LTF: variants seen among roughly 807,000 people sequenced by gnomAD.
The protein encoded by LTF is lactotransferrin.
Under a neutral mutation model 87.2 loss-of-function variants are expected in LTF, and 91 were observed. The observed-to-expected ratio is 1.04, with a 90% CI of 0.88 to 1.24. The LOEUF (loss-of-function observed/expected upper bound fraction) is 1.24. Among genes scored for constraint, LTF ranks in the 50% most tolerant of loss-of-function variants. The pLI, the probability that LTF is intolerant of heterozygous loss-of-function variation, is 0.00. For missense variants in LTF, 901 were observed against 904.3 expected (o/e 1.00, Z 0.05); for synonymous variants, 378 against 356.1 (o/e 1.06, Z -0.69).
In LTF at chr3:46,459,775, C is replaced by G. The variant is rs563355635; in HGVS notation, c.88G>C (p.Val30Leu). 11 of 1,487,820 alleles carry G rather than the reference C, an allele frequency of 7.4e-6. No homozygotes were observed. The East Asian group carries it at 2.7e-4, about 36-fold the overall frequency. 92.2% of individuals were successfully genotyped at this position (1,487,820 alleles called of 1,614,324 possible). A position where few individuals can be genotyped will look rare whatever the true frequency, so the allele number is the denominator to read the frequency against. ...CATTTTGTGGCCTCGGGTTGGGATA[C>G]GGCGCACCACTGAACACTCCTCCTA... ...GRRRSVQWCA[V>L]SQPEATKCFQ... Residue 30 changes from valine to leucine, a missense_variant, in exon 2 of 17, where the codon GTA becomes CTA. Coordinates refer to ENST00000231751, the MANE Select transcript of LTF (RefSeq NM_002343.6).
At chr3:46,451,739 C>A (rs577621316) in intron 6 of LTF, among the ~76,000 whole-genome samples, 1 of 152,050 alleles carries the variant, frequency 6.6e-6, no homozygotes, top group Non-Finnish European at 1.5e-5. Flanking sequence ...GGACCACAAG[C>A]GCACGCCACC....
chr3:46,455,233 G>C, intron 5 of LTF, 62 bp downstream of exon 5: 2 of 1,605,728 alleles, frequency 1.2e-6, no homozygotes, highest in South Asian at 1.1e-5. Context: ...CAGAGAAAAG[G>C]CCTCCCGGCC....
In LTF at chr3:46,450,423, T is replaced by C. The variant is rs1702774072; in HGVS notation, c.882+72A>G. 3.3e-6 allele frequency: 5 copies of C among 1,497,588 alleles called. No homozygotes were observed. The South Asian group carries it at 6.0e-5, about 18-fold the overall frequency. The allele number at this position is 1,497,588 out of a possible 1,614,324, so 92.8% of individuals were successfully genotyped here. ...TACAGGACTTCTGGAGTGGCAGAAG[T>C]CAGGGAAGTAAGAAACCTTGCTCCC... On this transcript the variant is annotated intron_variant, in intron 7 of 16. Coordinates refer to ENST00000231751, the MANE Select transcript of LTF (RefSeq NM_002343.6).
intron 5 of LTF, 52 bp from the exon 6 acceptor site, chr3:46,454,412 C>G: frequency 6.9e-7 from 1 of 1,456,568 alleles, no homozygotes; most frequent in Non-Finnish European, 9.7e-7. Context: ...TCCCCAGCCC[C>G]TCCCTGTGGA....
chr3:46,457,493 C>G (rs1025782681), intron 2 of LTF, among the ~76,000 whole-genome samples: 3 of 152,206 alleles, frequency 2.0e-5, no homozygotes, highest in Admixed American at 6.5e-5. Context: ...CACGTTTCCC[C>G]CTGTGACCCG....
chr3:46,447,466 T>G, intron 9 of LTF, 68 bp from the exon 10 acceptor site: 1 of 1,079,148 alleles, frequency 9.3e-7, no homozygotes, highest in South Asian at 1.3e-5. Flanking sequence ...TCTATATAGC[T>G]CTCTGAGAGA....
At chr3:46,474,407 T>A (rs1367628173) in intron 1 of LTF, among the ~76,000 whole-genome samples, 1 of 152,070 alleles carries the variant, frequency 6.6e-6, no homozygotes, top group Non-Finnish European at 1.5e-5. Flanking sequence ...CACCTAGAAG[T>A]CATAACAATC....
Position 46,446,326 on chromosome 3 carries a change from G to A in LTF, c.1357+114C>T, listed in dbSNP as rs535289982. On this transcript the variant is annotated intron_variant, in intron 11 of 16. Coordinates refer to ENST00000231751, the MANE Select transcript of LTF (RefSeq NM_002343.6). ...ACCCTTAAAATTATTGCTCCTAGAA[G>A]CCCTATAGCTTCTAGGGCTGCAATT... The A allele has an allele frequency of 5.5e-4, 403 of 726,476 alleles. 1 individual carries two copies. The highest frequency in any genetic ancestry group is 8.3e-4 in the Non-Finnish European group (352 of 423,612). 45.0% of individuals were successfully genotyped at this position (726,476 alleles called of 1,614,324 possible).
chr3:46,442,862 A>G (rs1215259211), intron 13 of LTF, among the ~76,000 whole-genome samples: 1 of 152,230 alleles, frequency 6.6e-6, no homozygotes, highest in Non-Finnish European at 1.5e-5. Flanking sequence ...CTGAGAAGCA[A>G]CACCCGGATG....
chr3:46,455,894 C>A lies in LTF; in HGVS notation c.401G>T (p.Cys134Phe), dbSNP rs918973567. 12 of 1,613,654 alleles carry A rather than the reference C, an allele frequency of 7.4e-6. No individual in the cohort carries two copies. The highest frequency in any genetic ancestry group is 8.5e-6 in the Non-Finnish European group (10 of 1,179,888). The change falls in exon 4 of 17, where the codon TGC becomes TTC. Residue 134 changes from cysteine (C) to phenylalanine (F), a missense_variant. By Grantham distance (205) the Cys-to-Phe change is radical. Coordinates refer to ENST00000231751, the MANE Select transcript of LTF (RefSeq NM_002343.6). ...QLNELQGLKSCHTGLRRTAGW... is the reference protein window; with the variant it reads ...QLNELQGLKSFHTGLRRTAGW... ...AGCGGTCCTGCGAAGGCCTGTGTGG[C>A]AGGACTTCAGACCTTGCAGTTCGTT...
chr3:46,452,268 C>A (rs1162687406), intron 6 of LTF, among the ~76,000 whole-genome samples: 1 of 152,096 alleles, frequency 6.6e-6, no homozygotes, highest in Admixed American at 6.5e-5. Flanking sequence ...ACAATAGCAA[C>A]TAAAACCATT....
Position 46,447,317 on chromosome 3 carries a change from C to G in LTF, c.1294G>C (p.Glu432Gln). Reference sequence around the variant, plus strand: ...TGCTAACTCCACTTACTGTAGTTCTCTGCCAGGACAGGCACCAAACCACAT... The same window carrying G: ...TGCTAACTCCACTTACTGTAGTTCTGTGCCAGGACAGGCACCAAACCACAT... ...GKCGLVPVLA[E>Q]NYKSQQSSDP... Residue 432 changes from glutamate to glutamine, a missense_variant, in exon 10 of 17, where the codon GAG (glutamate) becomes CAG (glutamine). Glu to Gln is a conservative substitution (Grantham distance 29, BLOSUM62 2). Coordinates refer to ENST00000231751, the MANE Select transcript of LTF (RefSeq NM_002343.6). 6.2e-7 allele frequency: 1 copy of G among 1,613,942 alleles called. No individual in the cohort carries two copies.
At chr3:46,460,591 A>G (rs750648927) in intron 1 of LTF, 5 of 455,482 alleles carry the variant, frequency 1.1e-5, no homozygotes, top group East Asian at 6.9e-5. Flanking sequence ...AGGCATCCAC[A>G]AAAAACCTGC....
intron 8 of LTF, among the ~76,000 whole-genome samples, chr3:46,449,342 T>C (rs553171467): frequency 6.6e-6 from 1 of 152,260 alleles, no homozygotes; most frequent in East Asian, 1.9e-4. Context: ...CCAGTGACAG[T>C]CCCAAGAGAT....
chr3:46,479,262 AC>A (rs1048063472), intron 1 of LTF, among the ~76,000 whole-genome samples: 4 of 152,152 alleles, frequency 2.6e-5, no homozygotes, highest in African/African-American at 9.7e-5. Context: ...CCTCTCTCCC[AC>A]CCTGGCATCT....
intron 9 of LTF, among the ~76,000 whole-genome samples, 180 bp from the exon 10 acceptor site, chr3:46,447,578 C>T (rs1474646037): frequency 6.6e-6 from 1 of 152,204 alleles, no homozygotes; most frequent in Non-Finnish European, 1.5e-5. Flanking sequence ...TCTCTCCCAG[C>T]CCTGCCTACT....
chr3:46,437,514 G>A (rs1702413011), intron 16 of LTF, among the ~76,000 whole-genome samples: 3 of 151,888 alleles, frequency 2.0e-5, no homozygotes, highest in Non-Finnish European at 4.4e-5. Flanking sequence ...TGTAGAACAA[G>A]GTCTCTCTGT....
At chr3:46,479,210 G>C (rs1296189756) in intron 1 of LTF, among the ~76,000 whole-genome samples, 1 of 152,242 alleles carries the variant, frequency 6.6e-6, no homozygotes, top group African/African-American at 2.4e-5. Flanking sequence ...TCTGGAGGAG[G>C]GGCAGCCTGA....
rs555171249 is a variant in LTF, at chr3:46,453,296, G to A, written c.703+1009C>T. Among the ~76,000 whole-genome samples the A allele has an allele frequency of 3.9e-5, 6 of 152,238 alleles. No individual in the cohort carries two copies. The South Asian group carries it at 1.0e-3, about 26-fold the overall frequency. On this transcript the variant is annotated intron_variant, in intron 6 of 16. Transcript: ENST00000231751. ...ATCTATTGCATTACAACCATCATTC[G>A]GACAAAAAGTATGAAAGTCAAAAAT...
Sources: gnomAD v4.1 joint callset for allele counts (sites outside exome capture counted in the v4.1 genomes callset) on GRCh38, gnomAD v4.1.1 for gene constraint, MANE v1.5 for transcripts, NCBI Gene and HGNC (gene_info 2026-07-23, HGNC 2026-07-21) for gene names.